Variants in PKD1 observed in about 807,000 individuals in gnomAD.
The protein encoded by PKD1 is polycystin-1.
Under a neutral mutation model 361.7 loss-of-function variants are expected in PKD1, and 81 were observed. That is an observed-to-expected ratio of 0.22 (90% confidence interval 0.19 to 0.27). The LOEUF is 0.27. Among genes scored for constraint, PKD1 ranks in the 10% least tolerant of loss-of-function variants. The probability of loss-of-function intolerance (pLI) is 1.00; values close to 1 mark genes in which losing one functional copy is unlikely to be tolerated. For missense variants in PKD1, 6,399 were observed against 6,118.3 expected (o/e 1.05, Z -1.53); for synonymous variants, 3,615 against 2,818.3 (o/e 1.28, Z -8.95).
intron 30 of PKD1, 68 bp downstream of exon 30, chr16:2,099,576 G>A (rs189624304): frequency 3.6e-5 from 53 of 1,487,404 alleles, no homozygotes; most frequent in South Asian, 1.7e-4. Flanking sequence ...GGAAAGTGGC[G>A]GCCCTAGGCA....
Position 2,110,517 on chromosome 16 carries a change from C to T in PKD1, c.4650G>A (p.Gly1550=). Residue 1550 remains glycine (G), a synonymous_variant, in exon 15 of 46, where the codon GGG becomes GGA. Coordinates refer to ENST00000262304, the MANE Select transcript of PKD1 (RefSeq NM_001009944.3). ...LNVTVKRRVR[G]LVVNASRTVV... ...CCGTGCGGCTTGCATTGACGACGAG[C>T]CCCCGCACGCGCCGCTTCACCGTCA... 2 of 1,611,598 alleles carry T rather than the reference C, an allele frequency of 1.2e-6. No individual in the cohort carries two copies. The highest frequency in any genetic ancestry group is 1.7e-6 in the Non-Finnish European group (2 of 1,179,692).
intron 3 of PKD1, 56 bp downstream of exon 3, chr16:2,119,057 AG>A: frequency 9.8e-7 from 1 of 1,018,224 alleles, no homozygotes; most frequent in Non-Finnish European, 1.5e-6. Flanking sequence ...GGAGGGCAGA[AG>A]GGATATTGGG....
In PKD1 at chr16:2,106,399, C is replaced by A. The variant is rs776604789; in HGVS notation, c.7488G>T (p.Thr2496=). 3.8e-6 allele frequency: 6 copies of A among 1,589,250 alleles called. No individual in the cohort carries two copies. Among genetic ancestry groups the A allele is most frequent in the Non-Finnish European group, 5.1e-6 (6 of 1,169,864 alleles). Residue 2496 remains threonine (T), a splice_region_variant and synonymous_variant, in exon 18 of 46, where the codon ACG becomes ACT. Coordinates refer to ENST00000262304, the MANE Select transcript of PKD1 (RefSeq NM_001009944.3). The surrounding 1 kb of genome is among the most constrained non-coding windows in gnomAD (Gnocchi z 6.5). The stretch of plus-strand genomic sequence containing the variant: ...CCCCCCACGCAGGCCTGCACTCACC[C>A]GTGCATTCGAAGTGCACCTTGGTGG... ...ALTTKVHFEC[T]GWHDAEDAGA... is the part of the protein sequence containing the mutation.
Position 2,090,743 on chromosome 16 carries a change from C to T in PKD1, c.12069G>A (p.Leu4023=), listed in dbSNP as rs772710916. Residue 4023 remains leucine (L), a synonymous_variant, in exon 44 of 46, where the codon CTG becomes CTA. Transcript: ENST00000262304. ...SVFGKTLCRA[L]PELLGVTLGL... Reference sequence around the variant, plus strand: ...CCAAGGTGACCCCCAGGAGCTCTGGCAGAGCTCGGCATAATGTCTTGCCAA... The same window carrying T: ...CCAAGGTGACCCCCAGGAGCTCTGGTAGAGCTCGGCATAATGTCTTGCCAA... The T allele has an allele frequency of 1.2e-6, 2 of 1,612,656 alleles. No homozygotes were observed. Among genetic ancestry groups the T allele is most frequent in the Non-Finnish European group, 1.7e-6 (2 of 1,179,964 alleles).
In PKD1 at chr16:2,104,624, C is replaced by G. The variant is rs762792410; in HGVS notation, c.8035G>C (p.Val2679Leu). The change falls in exon 22 of 46, where the codon GTA becomes CTA. Residue 2679 changes from valine to leucine, a missense_variant. Coordinates refer to ENST00000262304, the MANE Select transcript of PKD1 (RefSeq NM_001009944.3). ...GTCTGCTTCAGGCACGAGCGGCATA[C>G]GAGCTCCCTGCTGGGCCCCTGTGTG... ...AQCMGPSRELVCRSCLKQTLH... is the reference protein window; with the variant it reads ...AQCMGPSRELLCRSCLKQTLH... 5.1e-6 allele frequency: 8 copies of G among 1,569,698 alleles called. No individual in the cohort carries two copies. The highest frequency in any genetic ancestry group is 1.7e-5 in the Admixed American group (1 of 58,578).
chr16:2,106,641 C>A lies in PKD1; in HGVS notation c.7246G>T (p.Val2416Leu), dbSNP rs754985089. 7.4e-5 allele frequency: 119 copies of A among 1,598,310 alleles called. No individual in the cohort carries two copies. Among genetic ancestry groups the A allele is most frequent in the Non-Finnish European group, 7.0e-5 (83 of 1,179,238 alleles). ...AARTFSNKTL[V>L]LDETTTSTGS... ...GTGGATGTGGTGGTCTCATCCAGCA[C>A]CAGCGTCTTGTTGCTGAACGTACGT... The change falls in exon 18 of 46, where the codon GTG (valine) becomes TTG (leucine). Residue 2416 changes from valine (V) to leucine (L), a missense_variant. Coordinates refer to ENST00000262304, the MANE Select transcript of PKD1 (RefSeq NM_001009944.3). The surrounding 1 kb of genome is among the most constrained non-coding windows in gnomAD (Gnocchi z 6.5).
chr16:2,114,725 G>A lies in PKD1; in HGVS notation c.2298C>T (p.Ala766=), dbSNP rs1185159060. Residue 766 remains alanine (A), a synonymous_variant, in exon 11 of 46, where the codon GCC becomes GCT. Coordinates refer to ENST00000262304, the MANE Select transcript of PKD1 (RefSeq NM_001009944.3). The part of the protein sequence containing the change: ...AQLEGTWACP[A]CALRLLAATE... The stretch of plus-strand genomic sequence containing the variant: ...TGGCTGCAAGCAGCCGCAGGGCACA[G>A]GCAGGGCAGGCCCAAGTGCCCTCCA... The A allele has an allele frequency of 5.9e-6, 9 of 1,530,678 alleles. No individual in the cohort carries two copies. The highest frequency in any genetic ancestry group is 7.0e-6 in the Non-Finnish European group (8 of 1,143,982). The allele number at this position is 1,530,678 out of a possible 1,614,324, so 94.8% of individuals were successfully genotyped here. A position where few individuals can be genotyped will look rare whatever the true frequency, so the allele number is the denominator to read the frequency against.
rs922698945 is a variant in PKD1, at chr16:2,106,657, G to A, written c.7230C>T (p.Phe2410=). ...CATCCAGCACCAGCGTCTTGTTGCT[G>A]AACGTACGTGCAGCCCACCGCTGCA... ...SKRGRWAART[F]SNKTLVLDET... The change falls in exon 18 of 46, where the codon TTC becomes TTT. Residue 2410 remains phenylalanine (F), a synonymous_variant. Coordinates refer to ENST00000262304, the MANE Select transcript of PKD1 (RefSeq NM_001009944.3). The surrounding 1 kb of genome is among the most constrained non-coding windows in gnomAD (Gnocchi z 6.5). 3.1e-6 allele frequency: 5 copies of A among 1,596,762 alleles called. No homozygotes were observed. The highest frequency in any genetic ancestry group is 2.7e-5 in the African/African-American group (2 of 74,780).
chr16:2,090,853 C>T, intron 43 of PKD1, 31 bp downstream of exon 43: 1 of 1,609,090 alleles, frequency 6.2e-7, no homozygotes, highest in Non-Finnish European at 8.5e-7. Context: ...GGGTGTGCGC[C>T]CAGCCCCGCG....
Position 2,089,595 on chromosome 16 carries a change from G to A in PKD1, c.*132C>T, listed in dbSNP as rs937806465. 3 of 1,149,218 alleles carry A rather than the reference G, an allele frequency of 2.6e-6. No homozygotes were observed. The highest frequency in any genetic ancestry group is 2.9e-4 in the Middle Eastern group (1 of 3,480). The allele number at this position is 1,149,218 out of a possible 1,614,324, so 71.2% of individuals were successfully genotyped here. On this transcript the variant is annotated 3_prime_UTR_variant, in exon 46 of 46. Coordinates refer to ENST00000262304, the MANE Select transcript of PKD1 (RefSeq NM_001009944.3). Reference sequence around the variant, plus strand: ...AAGTGCTGAAGCCCACAGACAGACAGATGCCCCTGCCTGCTCTCTGGGGAA... The same window carrying A: ...AAGTGCTGAAGCCCACAGACAGACAAATGCCCCTGCCTGCTCTCTGGGGAA...
In PKD1 at chr16:2,102,820, G is replaced by A; in HGVS notation, c.8942C>T (p.Ser2981Phe). The change falls in exon 24 of 46, where the codon TCC becomes TTC. Residue 2981 changes from serine (S) to phenylalanine (F), a missense_variant. Coordinates refer to ENST00000262304, the MANE Select transcript of PKD1 (RefSeq NM_001009944.3). ...ADHRPYTFFI[S>F]PGSRDPAGSY... ...GCTGGCCCGCAGAGCTCACCCCGGG[G>A]AAATGAAGAAGGTGTAGGGCCGGTG... The A allele has an allele frequency of 6.2e-7, 1 of 1,610,070 alleles. No homozygotes were observed. The highest frequency in any genetic ancestry group is 2.2e-5 in the East Asian group (1 of 44,876).
rs2091289658 is a variant in PKD1, at chr16:2,088,963, G to GTCCTC, written c.*759_*763dup. 3.0e-6 allele frequency: 1 copy of GTCCTC among 331,088 alleles called. No individual in the cohort carries two copies. Among genetic ancestry groups the GTCCTC allele is most frequent in the Non-Finnish European group, 5.7e-6 (1 of 174,358 alleles). The allele number at this position is 331,088 out of a possible 1,614,324, so 20.5% of individuals were successfully genotyped here. The stretch of plus-strand genomic sequence containing the variant: ...AGTCTTTTCCTCTAACCACCCTGGG[G>GTCCTC]TCCTCTGACATGCCTAGTCCTGCTA... On this transcript the variant is annotated 3_prime_UTR_variant, in exon 46 of 46. Coordinates refer to ENST00000262304, the MANE Select transcript of PKD1 (RefSeq NM_001009944.3).
In PKD1 at chr16:2,110,191, C is replaced by A. The variant is rs1407127288; in HGVS notation, c.4976G>T (p.Gly1659Val). The A allele has an allele frequency of 1.2e-6, 2 of 1,611,296 alleles. No homozygotes were observed. Among genetic ancestry groups the A allele is most frequent in the Admixed American group, 3.3e-5 (2 of 59,992 alleles). The change falls in exon 15 of 46, where the codon GGC becomes GTC. Residue 1659 changes from glycine to valine, a missense_variant. Coordinates refer to ENST00000262304, the MANE Select transcript of PKD1 (RefSeq NM_001009944.3). The stretch of plus-strand genomic sequence containing the variant: ...AGTCCAGCTGTAGGAGACGTTGGTG[C>A]CATCCCTAACCACGGCCTGCAGCTG... ...TVQLQAVVRD[G>V]TNVSYSWTAW...
chr16:2,120,875 G>A (rs937332704), intron 1 of PKD1, among the ~76,000 whole-genome samples: 15 of 152,250 alleles, frequency 9.9e-5, no homozygotes, highest in Admixed American at 4.6e-4. Context: ...AAATTAGCCG[G>A]GCATGGCGGC....
chr16:2,110,529 C>T lies in PKD1; in HGVS notation c.4638G>A (p.Arg1546=), dbSNP rs772714011. 4 of 1,611,732 alleles carry T rather than the reference C, an allele frequency of 2.5e-6. No individual in the cohort carries two copies. In the South Asian group the frequency reaches 4.4e-5, roughly 18 times the overall value. ...SEAWLNVTVK[R]RVRGLVVNAS... ...CATTGACGACGAGCCCCCGCACGCGCCGCTTCACCGTCACATTGAGCCAGG... is the reference window on the plus strand; with the variant it reads ...CATTGACGACGAGCCCCCGCACGCGTCGCTTCACCGTCACATTGAGCCAGG... Residue 1546 remains arginine, a synonymous_variant, in exon 15 of 46, where the codon CGG becomes CGA. Coordinates refer to ENST00000262304, the MANE Select transcript of PKD1 (RefSeq NM_001009944.3).
intron 14 of PKD1, 40 bp from the exon 15 acceptor site, chr16:2,111,911 C>G: frequency 6.2e-7 from 1 of 1,605,754 alleles, no homozygotes; most frequent in Non-Finnish European, 8.5e-7. Context: ...GCGGCACCCC[C>G]ACCTGCTCCC....
rs778313451 is a variant in PKD1, at chr16:2,106,795, C to T, written c.7209+10G>A. 2.0e-5 allele frequency: 31 copies of T among 1,520,156 alleles called. No homozygotes were observed. Among genetic ancestry groups the T allele is most frequent in the Non-Finnish European group, 2.8e-5 (31 of 1,114,998 alleles). The allele number at this position is 1,520,156 out of a possible 1,614,324, so 94.2% of individuals were successfully genotyped here. A position where few individuals can be genotyped will look rare whatever the true frequency, so the allele number is the denominator to read the frequency against. On this transcript the variant is annotated intron_variant, in intron 17 of 45. Transcript: ENST00000262304. The surrounding 1 kb of genome is among the most constrained non-coding windows in gnomAD (Gnocchi z 6.5). ...ATCCCCAGCCCGCCCACACCCCGCT[C>T]AACACTCACCCCTCGCTTGGAGCCG...
chr16:2,130,535 T>A (rs1053588081), intron 1 of PKD1, among the ~76,000 whole-genome samples: 6 of 152,246 alleles, frequency 3.9e-5, no homozygotes, highest in Non-Finnish European at 5.9e-5. Flanking sequence ...GCCCTCCTTC[T>A]GCTGAGGGCT....
In PKD1 at chr16:2,116,948, G is replaced by A. The variant is rs770562591; in HGVS notation, c.1491C>T (p.Pro497=). The A allele has an allele frequency of 9.2e-5, 139 of 1,510,224 alleles. No individual in the cohort carries two copies. The highest frequency in any genetic ancestry group is 1.3e-4 in the Admixed American group (7 of 52,702). The allele number at this position is 1,510,224 out of a possible 1,614,324, so 93.6% of individuals were successfully genotyped here. A position where few individuals can be genotyped will look rare whatever the true frequency, so the allele number is the denominator to read the frequency against. ...FSLESCQNWL[P]GEPHPATAEH... ...CGGCTGTGGCTGGGTGTGGCTCCCC[G>A]GGCAGCCAGTTCTGGCAGCTCTCCA... is the stretch of plus-strand genomic sequence containing the variant. Residue 497 remains proline, a synonymous_variant, in exon 7 of 46, where the codon CCC becomes CCT. Transcript: ENST00000262304.
Sources: gnomAD v4.1 joint callset for allele counts (sites outside exome capture counted in the v4.1 genomes callset) on GRCh38, gnomAD v4.1.1 for gene constraint, Gnocchi (gnomAD v3.1) non-coding constraint, MANE v1.5 for transcripts, NCBI Gene and HGNC (gene_info 2026-07-23, HGNC 2026-07-21) for gene names.